The following DMD variants were observed in gnomAD, a reference collection of about 807,000 sequenced individuals.
DMD encodes the protein mutant dystrophin.
A neutral mutation model predicts 330.1 loss-of-function variants in DMD; 63 were observed. The ratio of observed to expected loss-of-function variants is 0.19; its 90% confidence interval spans 0.16 to 0.24. DMD has a LOEUF of 0.24. Ranked by LOEUF, DMD falls within the 10% of genes least tolerant of loss-of-function variation. The pLI, the probability that DMD is intolerant of heterozygous loss-of-function variation, is 1.00. For missense variants in DMD, 3,344 were observed against 2,684.1 expected (o/e 1.25, Z -5.43); for synonymous variants, 1,223 against 959.8 (o/e 1.27, Z -5.07).
intron 48 of DMD, among the ~76,000 whole-genome samples, chrX:31,850,048 A>T (rs2093495409): frequency 9.1e-6 from 1 of 110,319 alleles, no homozygotes; most frequent in African/African-American, 3.3e-5. Flanking sequence ...CCTCCGCCCA[A>T]CCTCCACCCT....
chrX:33,015,250 G>A lies in DMD; in HGVS notation c.93+4889C>T, dbSNP rs139693330. On this transcript the variant is annotated intron_variant, in intron 2 of 78. Coordinates refer to ENST00000357033, the MANE Select transcript of DMD (RefSeq NM_004006.3). ...CAGCACTATTTACAATAGCAAAGACGTGGAATCAACTCAAATGCCCGTCAA... is the reference window on the plus strand; with the variant it reads ...CAGCACTATTTACAATAGCAAAGACATGGAATCAACTCAAATGCCCGTCAA... Among the ~76,000 whole-genome samples the A allele has an allele frequency of 5.2e-3, 585 of 111,633 alleles. 2 individuals carry two copies. Among genetic ancestry groups the A allele is most frequent in the Non-Finnish European group, 8.8e-3 (465 of 53,079 alleles).
At chrX:32,967,947 G>C (rs767504100) in intron 2 of DMD, among the ~76,000 whole-genome samples, 1 of 111,661 alleles carries the variant, frequency 9.0e-6, no homozygotes, top group South Asian at 3.7e-4. Flanking sequence ...ACTGTACTTT[G>C]CACATCTTAT....
intron 1 of DMD, among the ~76,000 whole-genome samples, chrX:33,221,429 C>T (rs910550254): frequency 7.2e-5 from 8 of 111,026 alleles, no homozygotes; most frequent in East Asian, 2.8e-4. Context: ...TTAAGCATTG[C>T]GTTTTAAAAA....
intron 1 of DMD, among the ~76,000 whole-genome samples, chrX:33,053,202 T>C (rs145849578): frequency 3.3e-3 from 367 of 111,806 alleles, no homozygotes; most frequent in African/African-American, 0.011. Flanking sequence ...AGGGAGATGA[T>C]AGGGAACTGG....
chrX:31,126,460 T>C (rs990617163), intron 78 of DMD, among the ~76,000 whole-genome samples, 182 bp downstream of exon 78: 9 of 111,831 alleles, frequency 8.0e-5, no homozygotes, highest in Non-Finnish European at 1.7e-4. Context: ...ACAACGGCAA[T>C]GAACATTTGA....
intron 4 of DMD, among the ~76,000 whole-genome samples, chrX:32,825,299 C>G (rs1299763382): frequency 1.8e-5 from 2 of 111,182 alleles, no homozygotes; most frequent in Non-Finnish European, 3.8e-5. Flanking sequence ...AACCCCTTAT[C>G]CACTGTCATA....
intron 60 of DMD, among the ~76,000 whole-genome samples, chrX:31,370,352 C>T (rs1165039973): frequency 1.8e-5 from 2 of 111,742 alleles, no homozygotes; most frequent in African/African-American, 3.3e-5. Flanking sequence ...TATAAAAAAA[C>T]TTTTGAATTA....
chrX:31,137,394 C>A (rs1316764896), intron 76 of DMD, among the ~76,000 whole-genome samples: 1 of 111,631 alleles, frequency 9.0e-6, no homozygotes, highest in Non-Finnish European at 1.9e-5. Context: ...TTGAAAAATG[C>A]TTAATGCCTA....
chrX:33,289,575 A>G (rs2053484249), intron 1 of DMD, among the ~76,000 whole-genome samples: 1 of 111,966 alleles, frequency 8.9e-6, no homozygotes, highest in Non-Finnish European at 1.9e-5. Context: ...ACATTTTAAC[A>G]TAATTCTAAG....
intron 17 of DMD, among the ~76,000 whole-genome samples, chrX:32,523,364 C>G (rs1014191543): frequency 1.8e-5 from 2 of 111,937 alleles, no homozygotes; most frequent in African/African-American, 6.5e-5. Flanking sequence ...CAAAAACCCT[C>G]TCCTCCAAAG....
At position 32,716,213 on chromosome X, in the gene DMD, T is replaced by C. The variant is rs764562019; in HGVS notation, c.650-16920A>G. Among the ~76,000 whole-genome samples, 129 of 111,206 alleles carry C rather than the reference T, an allele frequency of 1.2e-3. 2 individuals are homozygous for C. Among genetic ancestry groups the C allele is most frequent in the African/African-American group, 4.0e-3 (122 of 30,627 alleles). ...TTTGTTTCCTTGCCCAAATCTCATG[T>C]TGAGTTGTGTTCCCCAGTGTTGGAG... On this transcript the variant is annotated intron_variant, in intron 7 of 78. Coordinates refer to ENST00000357033, the MANE Select transcript of DMD (RefSeq NM_004006.3).
chrX:33,321,667 C>G (rs2054017551), intron 1 of DMD, among the ~76,000 whole-genome samples: 1 of 111,901 alleles, frequency 8.9e-6, no homozygotes, highest in African/African-American at 3.2e-5. Flanking sequence ...TCACCCTGTC[C>G]TTTGAAGCTT....
At chrX:31,879,565 T>A (rs938233093) in intron 47 of DMD, among the ~76,000 whole-genome samples, 1 of 112,334 alleles carries the variant, frequency 8.9e-6, no homozygotes, top group Non-Finnish European at 1.9e-5. Context: ...TTTGCATATT[T>A]TAATAATGAA....
intron 1 of DMD, among the ~76,000 whole-genome samples, chrX:33,190,923 TA>T (rs2050548658): frequency 0.085 from 75 of 882 alleles, 16 homozygotes; most frequent in Non-Finnish European, 0.11. Context: ...ATTATATATA[TA>T]ATATTATATA....
At position 32,487,440 on chromosome X, in the gene DMD, A is replaced by C. The variant is rs762585126; in HGVS notation, c.2623-2341T>G. ...TTAAAAATTGGAACATGAGCCCATTAGAAGAAAGAGAAAATGGAAAGAATT... is the reference window on the plus strand; with the variant it reads ...TTAAAAATTGGAACATGAGCCCATTCGAAGAAAGAGAAAATGGAAAGAATT... On this transcript the variant is annotated intron_variant, in intron 20 of 78. Coordinates refer to ENST00000357033, the MANE Select transcript of DMD (RefSeq NM_004006.3). Among the ~76,000 whole-genome samples, 15 of 111,686 alleles carry C rather than the reference A, an allele frequency of 1.3e-4. No individual in the cohort carries two copies. In the East Asian group the frequency reaches 4.2e-3, roughly 32 times the overall value.
At chrX:32,814,360 C>T (rs1036437291) in intron 6 of DMD, among the ~76,000 whole-genome samples, 1 of 112,336 alleles carries the variant, frequency 8.9e-6, no homozygotes, top group South Asian at 3.7e-4. Context: ...TGCCATGACA[C>T]TTAGTCAATC....
At chrX:32,454,213 T>G (rs909916669) in intron 26 of DMD, among the ~76,000 whole-genome samples, 3 of 111,382 alleles carry the variant, frequency 2.7e-5, no homozygotes, top group African/African-American at 9.7e-5. Flanking sequence ...TCTATCCATA[T>G]TAAAGGCTAC....
At chrX:31,432,679 G>A (rs189796996) in intron 60 of DMD, among the ~76,000 whole-genome samples, 1 of 111,287 alleles carries the variant, frequency 9.0e-6, no homozygotes, top group Admixed American at 9.5e-5. Context: ...GCAAATTTTG[G>A]GTTCTAGTTC....
rs759074750 is a variant in DMD at position 32,964,602 on chromosome X, G to GGA, written c.93+55535_93+55536dup. The stretch of plus-strand genomic sequence containing the variant: ...GTGCGCCTGTAATCCCAGCTACTAG[G>GGA]GAGGCTGAGGCAGGAGAATTGCTTG... On this transcript the variant is annotated intron_variant, in intron 2 of 78. Coordinates refer to ENST00000357033, the MANE Select transcript of DMD (RefSeq NM_004006.3). Among the ~76,000 whole-genome samples the GGA allele has an allele frequency of 5.5e-3, 605 of 110,822 alleles. 3 individuals are homozygous for GGA. Among genetic ancestry groups the GGA allele is most frequent in the African/African-American group, 0.019 (568 of 30,397 alleles).
Sources: allele counts gnomAD v4.1 joint callset (sites outside exome capture counted in the v4.1 genomes callset), GRCh38; gene constraint gnomAD v4.1.1; transcripts MANE v1.5; gene names NCBI Gene and HGNC (gene_info 2026-07-23, HGNC 2026-07-21).